Variants in TSHZ2 observed in about 807,000 individuals in gnomAD.
TSHZ2 encodes teashirt homolog 2.
Under a neutral mutation model 74.4 loss-of-function variants are expected in TSHZ2, and 21 were observed. The ratio of observed to expected loss-of-function variants is 0.28; its 90% CI spans 0.20 to 0.41. The LOEUF is 0.41. Ranked by LOEUF, TSHZ2 falls within the 10% of genes least tolerant of loss-of-function variation. The probability of loss-of-function intolerance (pLI) is 1.00; values close to 1 mark genes in which losing one functional copy is unlikely to be tolerated. For synonymous variants in TSHZ2, 540 were observed against 515.3 expected, an observed-to-expected ratio of 1.05 and a Z score of -0.65; for missense variants, 1,244 against 1,293.5, an observed-to-expected ratio of 0.96 and a Z score of 0.59.
In TSHZ2 at chr20:52,996,066, T is replaced by C. The variant is rs190107463; in HGVS notation, c.40+22733T>C. Among the ~76,000 whole-genome samples, 762 of 152,280 alleles carry C rather than the reference T, an allele frequency of 5.0e-3. 10 individuals are homozygous for C. The highest frequency in any genetic ancestry group is 0.018 in the African/African-American group (728 of 41,552). On this transcript the variant is annotated intron_variant, in intron 1 of 2. Transcript: ENST00000371497. ...TTAATGTGGTGTTTGTAGACAACAG[T>C]ATGTTGAAGACTACTGGAATAGCAC...
chr20:53,192,919 G>T lies in TSHZ2; in HGVS notation c.41-60580G>T, dbSNP rs75265704. On this transcript the variant is annotated intron_variant, in intron 1 of 2. Transcript: ENST00000371497. ...TTCCTCAGGTTGAGATAGGATCTAA[G>T]CCAGGGATGCTAAGGTGTCACTGAG... Among the ~76,000 whole-genome samples, 53 of 152,300 alleles carry T rather than the reference G, an allele frequency of 3.5e-4. No individual in the cohort carries two copies. In the East Asian group the frequency reaches 9.1e-3, roughly 26 times the overall value.
intron 2 of TSHZ2, among the ~76,000 whole-genome samples, chr20:53,377,882 G>A (rs1335920536): frequency 6.6e-6 from 1 of 151,686 alleles, no homozygotes; most frequent in Non-Finnish European, 1.5e-5. Flanking sequence ...AAAGGCTACT[G>A]GCCAAGTCCC....
intron 1 of TSHZ2, among the ~76,000 whole-genome samples, chr20:53,073,284 C>G (rs528008753): frequency 7.1e-6 from 1 of 141,626 alleles, no homozygotes; most frequent in East Asian, 2.1e-4. Flanking sequence ...CTCCATTCAT[C>G]CATCCATCCC....
At chr20:53,213,895 C>G (rs1441219247) in intron 1 of TSHZ2, among the ~76,000 whole-genome samples, 1 of 152,114 alleles carries the variant, frequency 6.6e-6, no homozygotes, top group Non-Finnish European at 1.5e-5. Flanking sequence ...TCTTGGCTCC[C>G]TTGTCTGGAA....
chr20:53,121,265 A>C (rs1307873046), intron 1 of TSHZ2, among the ~76,000 whole-genome samples: 2 of 152,188 alleles, frequency 1.3e-5, no homozygotes, highest in Non-Finnish European at 1.5e-5. Flanking sequence ...GTCTTCCTTT[A>C]GAACTCATAC....
chr20:53,137,491 G>A (rs574904092), intron 1 of TSHZ2, among the ~76,000 whole-genome samples: 2 of 152,060 alleles, frequency 1.3e-5, no homozygotes, highest in East Asian at 3.9e-4. Flanking sequence ...TGGCTGTCAG[G>A]AACTGCCCCT....
intron 2 of TSHZ2, among the ~76,000 whole-genome samples, chr20:53,416,632 A>G (rs1190232133): frequency 6.6e-6 from 1 of 152,226 alleles, no homozygotes; most frequent in African/African-American, 2.4e-5. Flanking sequence ...CAGAAACCCT[A>G]TGGCCTGCAG....
At chr20:53,051,864 C>T (rs556168799) in intron 1 of TSHZ2, among the ~76,000 whole-genome samples, 1 of 152,154 alleles carries the variant, frequency 6.6e-6, no homozygotes, top group African/African-American at 2.4e-5. Context: ...ATAGAACGGA[C>T]CTTTGCAGGA....
At chr20:53,389,769 G>A (rs1982182008) in intron 2 of TSHZ2, among the ~76,000 whole-genome samples, 1 of 152,226 alleles carries the variant, frequency 6.6e-6, no homozygotes, top group Non-Finnish European at 1.5e-5. Flanking sequence ...GGTTGTCACA[G>A]TTAAGGAAGG....
chr20:53,122,715 C>G (rs1568770087), intron 1 of TSHZ2, among the ~76,000 whole-genome samples: 1 of 152,126 alleles, frequency 6.6e-6, no homozygotes, highest in Non-Finnish European at 1.5e-5. Flanking sequence ...AAGGCTGCCT[C>G]TGGTATCACG....
At chr20:53,057,531 T>C (rs189569499) in intron 1 of TSHZ2, among the ~76,000 whole-genome samples, 5 of 152,304 alleles carry the variant, frequency 3.3e-5, no homozygotes, top group Non-Finnish European at 5.9e-5. Flanking sequence ...TAATAATTCA[T>C]TTGCTTTTTA....
chr20:53,157,472 T>C (rs1380628839), intron 1 of TSHZ2, among the ~76,000 whole-genome samples: 4 of 151,370 alleles, frequency 2.6e-5, no homozygotes, highest in South Asian at 2.1e-4. Flanking sequence ...AGTGGCATGA[T>C]TGTAGCTCAC....
At chr20:53,113,915 A>G (rs1986600124) in intron 1 of TSHZ2, among the ~76,000 whole-genome samples, 1 of 151,920 alleles carries the variant, frequency 6.6e-6, no homozygotes, top group South Asian at 2.1e-4. Context: ...ACACCTCTCA[A>G]TGCATGGTAC....
rs539124876 is a variant in TSHZ2, at chr20:53,285,002, C to A, written c.*8+28431C>A. 3.0e-4 allele frequency among the ~76,000 whole-genome samples: 45 copies of A among 152,226 alleles called. No individual in the cohort carries two copies. The East Asian group carries it at 6.0e-3, about 20-fold the overall frequency. On this transcript the variant is annotated intron_variant, in intron 2 of 2. Coordinates refer to ENST00000371497, the MANE Select transcript of TSHZ2 (RefSeq NM_173485.6). ...CGAGGGCCGGCGCTGCAATTCGGATCCAGCTCCACGTTCTGAAGCTGTTCA... is the reference window on the plus strand; with the variant it reads ...CGAGGGCCGGCGCTGCAATTCGGATACAGCTCCACGTTCTGAAGCTGTTCA...
intron 2 of TSHZ2, among the ~76,000 whole-genome samples, chr20:53,384,889 A>G (rs767367294): frequency 6.6e-6 from 1 of 152,174 alleles, no homozygotes; most frequent in Non-Finnish European, 1.5e-5. Flanking sequence ...TTGGGAGGCC[A>G]AGGCGGGTGG....
chr20:52,996,817 A>C (rs917346881), intron 1 of TSHZ2, among the ~76,000 whole-genome samples: 5 of 152,148 alleles, frequency 3.3e-5, no homozygotes, highest in Non-Finnish European at 7.3e-5. Context: ...TCATTTGTGC[A>C]TCCAAAGCTG....
intron 2 of TSHZ2, among the ~76,000 whole-genome samples, chr20:53,304,504 A>G (rs1437560293): frequency 1.3e-5 from 2 of 152,106 alleles, no homozygotes; most frequent in East Asian, 3.9e-4. Context: ...AACAACAACA[A>G]CAGCAAAAAA....
At chr20:53,042,965 A>G (rs1397931626) in intron 1 of TSHZ2, among the ~76,000 whole-genome samples, 1 of 152,228 alleles carries the variant, frequency 6.6e-6, no homozygotes, top group Non-Finnish European at 1.5e-5. Flanking sequence ...AATAAATTAG[A>G]GTGCATGATT....
At chr20:53,343,192 C>A (rs191701934) in intron 2 of TSHZ2, among the ~76,000 whole-genome samples, 2 of 151,900 alleles carry the variant, frequency 1.3e-5, no homozygotes, top group African/African-American at 2.4e-5. Context: ...GTCTTGAACT[C>A]CTGACCTCAA....
Sources: allele counts gnomAD v4.1 joint callset (sites outside exome capture counted in the v4.1 genomes callset), GRCh38; gene constraint gnomAD v4.1.1; transcripts MANE v1.5; gene names NCBI Gene and HGNC (gene_info 2026-07-23, HGNC 2026-07-21).